Variants in PDE11A observed in about 807,000 individuals in gnomAD.
PDE11A encodes phosphodiesterase 11A, also known as dual 3',5'-cyclic-AMP and -GMP phosphodiesterase 11A.
PDE11A carries 100 observed loss-of-function variants against 100.5 expected under a neutral mutation model. That is an observed-to-expected ratio of 1.00 (90% CI 0.85 to 1.18). PDE11A has a LOEUF of 1.18. PDE11A is among the 50% of genes most tolerant of loss of function. PDE11A has a pLI of 0.00. For synonymous variants in PDE11A, 381 were observed against 420.8 expected (o/e 0.91, Z 1.16); for missense variants, 1,141 against 1,152.6 (o/e 0.99, Z 0.15).
intron 12 of PDE11A, among the ~76,000 whole-genome samples, chr2:177,715,102 A>C (rs2081417397): frequency 6.6e-6 from 1 of 152,228 alleles, no homozygotes; most frequent in Admixed American, 6.5e-5. Context: ...GTTTTTAAAC[A>C]CTGGAGGAGT....
chr2:178,101,653 T>G (rs2087560053), intron 2 of PDE11A, among the ~76,000 whole-genome samples: 1 of 152,184 alleles, frequency 6.6e-6, no homozygotes, highest in East Asian at 1.9e-4. Context: ...GCAATTCATC[T>G]TATTAACATA....
At chr2:178,020,383 C>T (rs1574346364) in intron 1 of PDE11A, among the ~76,000 whole-genome samples, 1 of 152,326 alleles carries the variant, frequency 6.6e-6, no homozygotes, top group Admixed American at 6.5e-5. Flanking sequence ...TCCAAAGTCA[C>T]ATGAGAACAA....
chr2:177,762,110 CAGG>C (rs2082178615), intron 10 of PDE11A, among the ~76,000 whole-genome samples: 1 of 152,000 alleles, frequency 6.6e-6, no homozygotes. Flanking sequence ...TGGACAGGAG[CAGG>C]AGATGTTTGG....
At chr2:177,906,920 T>C (rs1462530530) in intron 2 of PDE11A, among the ~76,000 whole-genome samples, 2 of 152,204 alleles carry the variant, frequency 1.3e-5, no homozygotes, top group African/African-American at 4.8e-5. Context: ...ATGGAGACAA[T>C]GACTATAACG....
At position 177,835,585 on chromosome 2, in the gene PDE11A, T is replaced by C. The variant is rs2083383812; in HGVS notation, c.1500+4666A>G. Among the ~76,000 whole-genome samples, 3 of 152,200 alleles carry C rather than the reference T, an allele frequency of 2.0e-5. No individual in the cohort carries two copies. In the South Asian group the frequency reaches 6.2e-4, roughly 31 times the overall value. On this transcript the variant is annotated intron_variant, in intron 6 of 19. Coordinates refer to ENST00000286063, the MANE Select transcript of PDE11A (RefSeq NM_016953.4). ...CCCACTCTGGCCACACTATAGGAGC[T>C]CTTCAGCCTGCTGCTGCACTGTGGG...
At chr2:178,020,476 C>T (rs1171026821) in intron 1 of PDE11A, among the ~76,000 whole-genome samples, 1 of 152,126 alleles carries the variant, frequency 6.6e-6, no homozygotes, top group Non-Finnish European at 1.5e-5. Flanking sequence ...TCTCTAAATC[C>T]ACCTGATAAA....
intron 1 of PDE11A, chr2:178,039,128 G>C (rs1342619361): frequency 5.3e-5 from 8 of 152,106 alleles, no homozygotes. Context: ...TGTTTTTGCA[G>C]GACATGCAAG....
At chr2:177,949,434 T>G (rs2085480800) in intron 2 of PDE11A, among the ~76,000 whole-genome samples, 1 of 152,128 alleles carries the variant, frequency 6.6e-6, no homozygotes, top group Admixed American at 6.6e-5. Context: ...TTTCTTTTGT[T>G]TCCTTCATAT....
intron 12 of PDE11A, among the ~76,000 whole-genome samples, chr2:177,725,989 T>C (rs1574082296): frequency 6.6e-6 from 1 of 152,176 alleles, no homozygotes; most frequent in Non-Finnish European, 1.5e-5. Flanking sequence ...AAAAAGTTTT[T>C]TATTGAATGT....
chr2:177,694,872 G>A (rs1278140376), intron 15 of PDE11A, among the ~76,000 whole-genome samples: 1 of 151,786 alleles, frequency 6.6e-6, no homozygotes, highest in African/African-American at 2.4e-5. Flanking sequence ...TTTCATAGTT[G>A]CTCCTACTAC....
chr2:177,800,461 G>A (rs1014852669), intron 9 of PDE11A, among the ~76,000 whole-genome samples: 8 of 151,960 alleles, frequency 5.3e-5, no homozygotes, highest in African/African-American at 4.8e-5. Context: ...GTGAGCCACC[G>A]TGCCCAGCCT....
chr2:178,058,424 G>A (rs2086926128), intron 1 of PDE11A, among the ~76,000 whole-genome samples: 1 of 152,088 alleles, frequency 6.6e-6, no homozygotes, highest in African/African-American at 2.4e-5. Flanking sequence ...AAGATCTGAT[G>A]GTTTTAAAAA....
rs114616318 is a variant in PDE11A at position 177,712,229 on chromosome 2, G to A, written c.2044-351C>T. 2.3e-3 allele frequency among the ~76,000 whole-genome samples: 350 copies of A among 152,284 alleles called. 1 individual carries two copies. Among genetic ancestry groups the A allele is most frequent in the African/African-American group, 8.0e-3 (334 of 41,540 alleles). ...ATTATACATTTTAATGATGAGCATA[G>A]GGTTTGGAGGTTGGAGGTTGGGGAA... On this transcript the variant is annotated intron_variant, in intron 12 of 19. Transcript: ENST00000286063.
chr2:178,025,676 C>T (rs2086469642), intron 1 of PDE11A, among the ~76,000 whole-genome samples: 1 of 152,190 alleles, frequency 6.6e-6, no homozygotes, highest in Non-Finnish European at 1.5e-5. Flanking sequence ...AATAGACAGC[C>T]CAGATATCTA....
chr2:178,060,551 T>C (rs2086955394), intron 1 of PDE11A, among the ~76,000 whole-genome samples: 1 of 152,144 alleles, frequency 6.6e-6, no homozygotes, highest in South Asian at 2.1e-4. Context: ...ATTTTAGAAT[T>C]GCAGAAACTA....
chr2:177,972,092 A>G (rs555468164), intron 2 of PDE11A, among the ~76,000 whole-genome samples: 7 of 152,356 alleles, frequency 4.6e-5, no homozygotes, highest in Admixed American at 2.0e-4. Flanking sequence ...CTAAGTTTGT[A>G]TAATAGGTGA....
rs552385411 is a variant in PDE11A at position 177,760,512 on chromosome 2, C to A, written c.1788+8811G>T. ...TTTGAGTATGCGAAAATCATAAAAA[C>A]CCCTAAATGTTTTGTCAACATTTAT... On this transcript the variant is annotated intron_variant, in intron 10 of 19. Transcript: ENST00000286063. 3.8e-3 allele frequency among the ~76,000 whole-genome samples: 577 copies of A among 152,160 alleles called. 4 individuals are homozygous for A. Among genetic ancestry groups the A allele is most frequent in the Non-Finnish European group, 5.0e-3 (342 of 67,978 alleles).
chr2:177,759,385 C>A (rs1233440256), intron 10 of PDE11A, among the ~76,000 whole-genome samples: 1 of 152,148 alleles, frequency 6.6e-6, no homozygotes, highest in East Asian at 1.9e-4. Flanking sequence ...AATGCAAGCC[C>A]AGTCTCACAT....
chr2:177,743,470 T>C lies in PDE11A; in HGVS notation c.1789-15298A>G, dbSNP rs557453040. 8.5e-5 allele frequency among the ~76,000 whole-genome samples: 13 copies of C among 152,298 alleles called. No homozygotes were observed. In the South Asian group the frequency reaches 2.1e-3, roughly 24 times the overall value. ...CAGTATGCCTTGAACTGTGCAAGCA[T>C]TGGATGACAGGGCACAGGGTAGAAA... On this transcript the variant is annotated intron_variant, in intron 10 of 19. Transcript: ENST00000286063.
Sources: allele counts gnomAD v4.1 joint callset (sites outside exome capture counted in the v4.1 genomes callset), GRCh38; gene constraint gnomAD v4.1.1; transcripts MANE v1.5; gene names NCBI Gene and HGNC (gene_info 2026-07-23, HGNC 2026-07-21).